STAB2: variants seen among roughly 807,000 people sequenced by gnomAD.
The protein encoded by STAB2 is stabilin-2.
In STAB2, 288 loss-of-function variants were observed where a neutral mutation model predicts 338.1. That is an observed-to-expected ratio of 0.85 (90% CI 0.77 to 0.94). STAB2 has a LOEUF of 0.94. Among genes scored for constraint, STAB2 ranks in the 40% least tolerant of loss-of-function variants. The pLI is 0.00. For synonymous variants in STAB2, 1,202 were observed against 1,193.3 expected (o/e 1.01, Z -0.15); for missense variants, 3,141 against 3,210.1 (o/e 0.98, Z 0.52).
At chr12:103,589,687 G>T (rs1956766726) in intron 1 of STAB2, among the ~76,000 whole-genome samples, 1 of 152,220 alleles carries the variant, frequency 6.6e-6, no homozygotes, top group African/African-American at 2.4e-5. Context: ...ATGTGGTTTT[G>T]TGAAAGAGGT....
chr12:103,708,385 T>G, intron 38 of STAB2, 56 bp from the exon 39 acceptor site: 6 of 1,548,506 alleles, frequency 3.9e-6, no homozygotes, highest in Non-Finnish European at 5.3e-6. Flanking sequence ...AAATGACAAA[T>G]GAGTTATTGA....
In STAB2 at chr12:103,662,956, T is replaced by A. The variant is rs199656308; in HGVS notation, c.1980T>A (p.Ile660=). 1.2e-6 allele frequency: 2 copies of A among 1,614,144 alleles called. No individual in the cohort carries two copies. The highest frequency in any genetic ancestry group is 1.7e-6 in the Non-Finnish European group (2 of 1,180,016). ...GVLIPPSIVP[I]LPHRCDETKR... Reference sequence around the variant, plus strand: ...TCATTCCTCCCTCCATTGTCCCGATTCTGCCCCATCGATGTGATGAAACAA... The same window carrying A: ...TCATTCCTCCCTCCATTGTCCCGATACTGCCCCATCGATGTGATGAAACAA... The change falls in exon 18 of 69, where the codon ATT becomes ATA. Residue 660 remains isoleucine, a synonymous_variant. Transcript: ENST00000388887.
intron 3 of STAB2, among the ~76,000 whole-genome samples, chr12:103,619,047 A>G (rs576096037): frequency 7.4e-4 from 112 of 152,336 alleles, no homozygotes; most frequent in African/African-American, 2.6e-3. Flanking sequence ...GTCTTCTGCC[A>G]TAATTTTGAG....
intron 27 of STAB2, among the ~76,000 whole-genome samples, chr12:103,685,443 TGTGTGTGTGTGC>T (rs1013751857): frequency 2.1e-5 from 3 of 144,922 alleles, no homozygotes; most frequent in African/African-American, 8.3e-5. Flanking sequence ...TGTGTGTGTG[TGTGTGTGTGTGC>T]GCGTGCGTGT....
intron 30 of STAB2, 55 bp from the exon 31 acceptor site, chr12:103,692,757 A>G (rs1408447246): frequency 2.7e-6 from 4 of 1,474,556 alleles, no homozygotes; most frequent in Admixed American, 1.7e-5. Context: ...GATCATCTCA[A>G]TCCCAAGGTG....
chr12:103,619,144 A>G (rs967728823), intron 3 of STAB2, among the ~76,000 whole-genome samples: 1 of 152,220 alleles, frequency 6.6e-6, no homozygotes, highest in African/African-American at 2.4e-5. Context: ...TATTAGCAGC[A>G]TGAGAATGGA....
chr12:103,699,243 G>GC lies in STAB2; in HGVS notation c.3714+16_3714+17insC. ...TAATGACCAGGTACGATCCTTTTAT[G>GC]TAAAACCCCAGCAATGCCACCGAGA... is the stretch of plus-strand genomic sequence containing the variant. On this transcript the variant is annotated intron_variant, in intron 34 of 68. Coordinates refer to ENST00000388887, the MANE Select transcript of STAB2 (RefSeq NM_017564.10). 1.3e-6 allele frequency: 2 copies of GC among 1,593,078 alleles called. No homozygotes were observed.
chr12:103,682,131 CA>C (rs1876968546), intron 25 of STAB2, among the ~76,000 whole-genome samples: 1 of 147,798 alleles, frequency 6.8e-6, no homozygotes, highest in Non-Finnish European at 1.5e-5. Flanking sequence ...TTTCTGTAGA[CA>C]AACTTGAAAA....
chr12:103,759,366 T>C (rs1023747446), intron 65 of STAB2, 93 bp downstream of exon 65: 9 of 1,499,654 alleles, frequency 6.0e-6, no homozygotes, highest in Admixed American at 2.2e-5. Flanking sequence ...GCAACTATTA[T>C]GCAAACATAA....
At chr12:103,727,159 A>T in intron 46 of STAB2, 108 bp from the exon 47 acceptor site, 2 of 1,108,702 alleles carry the variant, frequency 1.8e-6, no homozygotes, top group Admixed American at 3.4e-5. Context: ...AGGTCTCCTC[A>T]TCCAGTCTTT....
rs537554017 is a variant in STAB2, at chr12:103,733,196, A to G, written c.5460+14A>G. The G allele has an allele frequency of 1.2e-6, 2 of 1,612,924 alleles. No individual in the cohort carries two copies. The highest frequency in any genetic ancestry group is 2.2e-5 in the East Asian group (1 of 44,866). On this transcript the variant is annotated intron_variant, in intron 51 of 68. Coordinates refer to ENST00000388887, the MANE Select transcript of STAB2 (RefSeq NM_017564.10). ...CGAGATGCCAAGGTATTTAGTTTAC[A>G]TGCAGACATAAGTGCAAGAATGTCC...
intron 44 of STAB2, among the ~76,000 whole-genome samples, chr12:103,719,675 G>A (rs544337420): frequency 2.6e-5 from 4 of 152,148 alleles, no homozygotes; most frequent in Non-Finnish European, 5.9e-5. Flanking sequence ...GTTAATCTAG[G>A]ATGATGTTAT....
intron 44 of STAB2, among the ~76,000 whole-genome samples, 166 bp from the exon 45 acceptor site, chr12:103,724,809 A>G (rs2270485): frequency 0.033 from 5,006 of 152,336 alleles, 147 homozygotes; most frequent in Admixed American, 0.085. Flanking sequence ...CCCTATGAGC[A>G]TAGGGAATTG....
At chr12:103,757,953 G>C (rs972187007) in intron 63 of STAB2, 33 of 615,718 alleles carry the variant, frequency 5.4e-5, no homozygotes, top group Non-Finnish European at 8.6e-5. Context: ...GATGGGCTGT[G>C]ACGTGGCTGT....
chr12:103,723,289 C>G (rs1444096972), intron 44 of STAB2, among the ~76,000 whole-genome samples: 1 of 152,154 alleles, frequency 6.6e-6, no homozygotes, highest in African/African-American at 2.4e-5. Context: ...CTGGGGAGGT[C>G]TCATAATCAT....
In STAB2 at chr12:103,737,621, T is replaced by TTA; in HGVS notation, c.5551-12_5551-11insAT. Reference sequence around the variant, plus strand: ...CTCTCTTTCTCTTTTTTTTTTTTTTTTTTCTTTCTTAGGGTGACCTCTTTC... The same window carrying TTA: ...CTCTCTTTCTCTTTTTTTTTTTTTTTTATTTCTTTCTTAGGGTGACCTCTTTC... On this transcript the variant is annotated splice_polypyrimidine_tract_variant and intron_variant, in intron 52 of 68. Transcript: ENST00000388887. 8 of 1,536,062 alleles carry TTA rather than the reference T, an allele frequency of 5.2e-6. No homozygotes were observed. Among genetic ancestry groups the TTA allele is most frequent in the Non-Finnish European group, 7.0e-6 (8 of 1,149,464 alleles).
chr12:103,668,757 C>G (rs1299381288), intron 20 of STAB2, 28 bp downstream of exon 20: 1 of 1,516,430 alleles, frequency 6.6e-7, no homozygotes, highest in Non-Finnish European at 8.9e-7. Flanking sequence ...GAGGCCCAGT[C>G]TAGGCCAGTA....
chr12:103,705,153 T>C (rs1209764190), intron 36 of STAB2: 1 of 156,882 alleles, frequency 6.4e-6, no homozygotes, highest in Admixed American at 6.2e-5. Flanking sequence ...TATATGATAA[T>C]TTTTAATTTA....
chr12:103,651,396 C>A (rs961866463), intron 11 of STAB2, among the ~76,000 whole-genome samples: 5 of 150,492 alleles, frequency 3.3e-5, no homozygotes, highest in Non-Finnish European at 5.9e-5. Flanking sequence ...TCACTGCAAC[C>A]TCTGCCTTCC....
Sources: gnomAD v4.1 joint callset for allele counts (sites outside exome capture counted in the v4.1 genomes callset) on GRCh38, gnomAD v4.1.1 for gene constraint, MANE v1.5 for transcripts, NCBI Gene and HGNC (gene_info 2026-07-23, HGNC 2026-07-21) for gene names.